The following CCDC39 variants were observed in gnomAD, a reference collection of about 807,000 sequenced individuals.
CCDC39 encodes the protein coiled-coil domain-containing protein 39.
A neutral mutation model predicts 121.0 loss-of-function variants in CCDC39; 113 were observed. The observed-to-expected ratio is 0.93, with a 90% CI of 0.80 to 1.09. The LOEUF is 1.09. CCDC39 is among the 50% of genes least tolerant of loss of function. CCDC39 has a pLI of 0.00. For missense variants in CCDC39, 1,063 were observed against 1,074.7 expected (o/e 0.99, Z 0.15); for synonymous variants, 349 against 352.2 (o/e 0.99, Z 0.10).
rs1285431486 is a variant in CCDC39, at chr3:180,642,110, TC to T, written c.1756del (p.Glu586LysfsTer29). On this transcript the variant is annotated frameshift_variant, in exon 13 of 20. Transcript: ENST00000476379. LOFTEE classifies it high-confidence loss of function. Reference protein sequence around the residue: ...HSKAEEVLSLEKRKQQLYTAM... With the variant: ...HSKAEEVLSLXKRKQQLYTAM... ...TGTGTATAATTGCTGTTTTCTTTTT[TC>T]TAGGGAAAGAACTTCTTCTGCCTTA... is the stretch of plus-strand genomic sequence containing the variant. 6.2e-7 allele frequency: 1 copy of T among 1,613,160 alleles called. No homozygotes were observed. The highest frequency in any genetic ancestry group is 1.1e-5 in the South Asian group (1 of 91,020).
intron 1 of CCDC39, among the ~76,000 whole-genome samples, chr3:180,666,295 G>A (rs1711875538): frequency 1.3e-5 from 2 of 152,136 alleles, no homozygotes; most frequent in Non-Finnish European, 2.9e-5. Flanking sequence ...AATGCATTAA[G>A]ATTTTGTTTT....
In CCDC39 at chr3:180,678,995, C is replaced by G. The variant is rs960216103; in HGVS notation, c.90+296G>C. Among the ~76,000 whole-genome samples the G allele has an allele frequency of 6.6e-5, 10 of 152,118 alleles. 1 individual carries two copies. Among genetic ancestry groups the G allele is most frequent in the Non-Finnish European group, 1.5e-5 (1 of 68,032 alleles). ...AAAGCGGGCGCCGGAACCAGCCTTTCCTCTCTCGCCAGGAGGAACGAAATA... is the reference window on the plus strand; with the variant it reads ...AAAGCGGGCGCCGGAACCAGCCTTTGCTCTCTCGCCAGGAGGAACGAAATA... On this transcript the variant is annotated intron_variant, in intron 1 of 19. Transcript: ENST00000476379.
chr3:180,652,051 T>C, intron 8 of CCDC39, 112 bp downstream of exon 8: 1 of 627,494 alleles, frequency 1.6e-6, no homozygotes, highest in Non-Finnish European at 2.6e-6. Context: ...AAAAAAAAAG[T>C]AGTAGCTAAA....
intron 1 of CCDC39, among the ~76,000 whole-genome samples, chr3:180,671,664 G>T (rs922849839): frequency 3.3e-5 from 5 of 152,038 alleles, no homozygotes; most frequent in Non-Finnish European, 5.9e-5. Flanking sequence ...GTGTTCAAGC[G>T]ATTGTCCTTC....
At chr3:180,618,044 C>T (rs961124317) in intron 16 of CCDC39, among the ~76,000 whole-genome samples, 2 of 152,062 alleles carry the variant, frequency 1.3e-5, no homozygotes. Context: ...TGTTTAGATA[C>T]ACAAGTACCA....
rs1717385286 is a variant in CCDC39, at chr3:180,619,866, C to T, written c.2103G>A (p.Val701=). Residue 701 remains valine, a synonymous_variant, in exon 15 of 20, where the codon GTG becomes GTA. Coordinates refer to ENST00000476379, the MANE Select transcript of CCDC39 (RefSeq NM_181426.2). ...TATAATTGTTGTTACAGCTGTTCAGCACTTGAAGGGTATTTTCTAGAGCGT... is the reference window on the plus strand; with the variant it reads ...TATAATTGTTGTTACAGCTGTTCAGTACTTGAAGGGTATTTTCTAGAGCGT... ...EIYALENTLQ[V]LNSCNNNYKQ... is the part of the protein sequence containing the mutation. The T allele has an allele frequency of 6.2e-7, 1 of 1,609,600 alleles. No homozygotes were observed. Among genetic ancestry groups the T allele is most frequent in the African/African-American group, 1.3e-5 (1 of 74,268 alleles).
At chr3:180,670,639 C>CTTTTTTTTTTTTTTTTTTCTTTTTTTTCT (rs573623299) in intron 1 of CCDC39, among the ~76,000 whole-genome samples, 1 of 120,438 alleles carries the variant, frequency 8.3e-6, no homozygotes, top group Non-Finnish European at 1.8e-5. Flanking sequence ...TTTTTTTTCT[C>CTTTTTTTTTTTTTTTTTTCTTTTTTTTCT]TTTTTTTTTT....
chr3:180,646,359 G>T (rs1211190993), intron 11 of CCDC39, among the ~76,000 whole-genome samples: 3 of 151,738 alleles, frequency 2.0e-5, no homozygotes, highest in Non-Finnish European at 4.4e-5. Context: ...ACCACCAGAG[G>T]ACACATCAAT....
intron 14 of CCDC39, among the ~76,000 whole-genome samples, chr3:180,626,559 G>A (rs901963786): frequency 3.9e-5 from 6 of 152,262 alleles, no homozygotes; most frequent in South Asian, 4.1e-4. Flanking sequence ...CAGAGTACAT[G>A]GGAGTGCCTG....
intron 9 of CCDC39, among the ~76,000 whole-genome samples, chr3:180,649,579 C>T (rs1193286611): frequency 6.6e-6 from 1 of 152,172 alleles, no homozygotes; most frequent in East Asian, 1.9e-4. Flanking sequence ...GATTGCCTGG[C>T]AGAGTTTTAA....
intron 13 of CCDC39, among the ~76,000 whole-genome samples, chr3:180,641,592 C>T (rs1321913586): frequency 6.6e-6 from 1 of 151,986 alleles, no homozygotes; most frequent in Non-Finnish European, 1.5e-5. Context: ...TTTCTACATA[C>T]CAGCAGCAAA....
intron 13 of CCDC39, among the ~76,000 whole-genome samples, chr3:180,632,880 C>A (rs1251977408): frequency 6.6e-6 from 1 of 152,190 alleles, no homozygotes; most frequent in Admixed American, 6.5e-5. Flanking sequence ...CCCTCAACCC[C>A]TCAAAACATA....
intron 3 of CCDC39, 79 bp downstream of exon 3, chr3:180,661,781 GA>G (rs960073687): frequency 2.9e-3 from 3,392 of 1,189,420 alleles, no homozygotes; most frequent in South Asian, 4.2e-3. Flanking sequence ...TCCCATACAA[GA>G]AAAAAAAAAG....
At chr3:180,648,410 G>A in intron 9 of CCDC39, 51 bp from the exon 10 acceptor site, 1 of 1,167,402 alleles carries the variant, frequency 8.6e-7, no homozygotes, top group South Asian at 1.9e-5. Flanking sequence ...TTGAAATGTT[G>A]TATTTATATG....
At chr3:180,649,036 T>C (rs962250112) in intron 9 of CCDC39, among the ~76,000 whole-genome samples, 4 of 152,206 alleles carry the variant, frequency 2.6e-5, no homozygotes, top group African/African-American at 9.7e-5. Context: ...GAGTATGTAT[T>C]ACTTTTTTTG....
At chr3:180,633,918 G>T (rs892646813) in intron 13 of CCDC39, among the ~76,000 whole-genome samples, 3 of 152,078 alleles carry the variant, frequency 2.0e-5, no homozygotes, top group African/African-American at 7.2e-5. Context: ...TAGTGGCCTG[G>T]AGTGTCCTGC....
chr3:180,658,514 G>A (rs534300257), intron 6 of CCDC39, among the ~76,000 whole-genome samples: 39 of 151,240 alleles, frequency 2.6e-4, no homozygotes, highest in Admixed American at 5.3e-4. Flanking sequence ...GGAGAATGGC[G>A]TGAACCCGGG....
At chr3:180,659,901 AAT>A (rs2108429073) in intron 4 of CCDC39, 132 bp from the exon 5 acceptor site, 1 of 534,168 alleles carries the variant, frequency 1.9e-6, no homozygotes, top group Admixed American at 3.9e-5. Context: ...TGAAATAATA[AAT>A]ATCTTTCTTA....
At chr3:180,617,622 T>G (rs1038701509) in intron 16 of CCDC39, 3 of 405,762 alleles carry the variant, frequency 7.4e-6, no homozygotes, top group Non-Finnish European at 1.3e-5. Context: ...AATTAAAAAG[T>G]AAAAAAACTA....
Sources: allele counts gnomAD v4.1 joint callset (sites outside exome capture counted in the v4.1 genomes callset), GRCh38; gene constraint gnomAD v4.1.1; transcripts MANE v1.5; gene names NCBI Gene and HGNC (gene_info 2026-07-23, HGNC 2026-07-21).